The following PSMD14 variants were observed in gnomAD, a reference collection of about 807,000 sequenced individuals.
PSMD14 encodes proteasome 26S subunit, non-ATPase 14.
Under a neutral mutation model 41.2 loss-of-function variants are expected in PSMD14, and 7 were observed. That is an observed-to-expected ratio of 0.17 (90% CI 0.10 to 0.32). The LOEUF (loss-of-function observed/expected upper bound fraction) is 0.32. Among genes scored for constraint, PSMD14 ranks in the 10% least tolerant of loss-of-function variants. The probability of loss-of-function intolerance (pLI) is 1.00; values close to 1 mark genes in which losing one functional copy is unlikely to be tolerated. For synonymous variants in PSMD14, 114 were observed against 122.3 expected (o/e 0.93, Z 0.45); for missense variants, 139 against 375.6 (o/e 0.37, Z 5.21).
At position 161,381,191 on chromosome 2, in the gene PSMD14, T is replaced by C. The variant is rs1683566449; in HGVS notation, c.463-4273T>C. ...AAAAATTATTTCAGTTCGTCACTTA[T>C]GTTTACCCCATATATGATGAACTGA... On this transcript the variant is annotated intron_variant, in intron 7 of 11. Transcript: ENST00000409682. 2.0e-5 allele frequency among the ~76,000 whole-genome samples: 3 copies of C among 150,514 alleles called. 1 individual carries two copies. The South Asian group carries it at 6.2e-4, about 31-fold the overall frequency.
chr2:161,360,753 G>A (rs185930576), intron 3 of PSMD14, among the ~76,000 whole-genome samples: 2 of 151,892 alleles, frequency 1.3e-5, no homozygotes, highest in African/African-American at 4.8e-5. Flanking sequence ...AGCCAGGATG[G>A]TCTCCATCTC....
intron 3 of PSMD14, among the ~76,000 whole-genome samples, chr2:161,351,787 A>G (rs769854913): frequency 1.3e-5 from 2 of 152,170 alleles, no homozygotes; most frequent in Admixed American, 6.5e-5. Context: ...ATACAGCGCT[A>G]TCATTGAACA....
chr2:161,341,025 G>A, intron 3 of PSMD14: 3 of 1,607,422 alleles, frequency 1.9e-6, no homozygotes, highest in East Asian at 2.2e-5. Context: ...CTCCGCTGGC[G>A]CCGCCGCGGG....
At position 161,346,508 on chromosome 2, in the gene PSMD14, T is replaced by A. The variant is rs546946742; in HGVS notation, c.49-20970T>A. ...CTTATCTCCTTACTGTGGGCCATAT[T>A]TTTTTTGCTGCTTTGTATGTCTGAT... On this transcript the variant is annotated intron_variant, in intron 3 of 11. Coordinates refer to ENST00000409682, the MANE Select transcript of PSMD14 (RefSeq NM_005805.6). Among the ~76,000 whole-genome samples, 293 of 151,130 alleles carry A rather than the reference T, an allele frequency of 1.9e-3. 1 individual carries two copies. Among genetic ancestry groups the A allele is most frequent in the Non-Finnish European group, 2.9e-3 (194 of 67,828 alleles).
chr2:161,347,750 A>G (rs916811788), intron 3 of PSMD14, among the ~76,000 whole-genome samples: 7 of 152,212 alleles, frequency 4.6e-5, no homozygotes, highest in Non-Finnish European at 1.0e-4. Context: ...AAAAACACTA[A>G]AAAATAAACA....
At chr2:161,366,451 G>C (rs1683359962) in intron 3 of PSMD14, among the ~76,000 whole-genome samples, 1 of 151,348 alleles carries the variant, frequency 6.6e-6, no homozygotes, top group Admixed American at 6.6e-5. Context: ...AGACCTATAT[G>C]TATGGAATGT....
chr2:161,410,687 A>G (rs1684012088), intron 11 of PSMD14, among the ~76,000 whole-genome samples: 1 of 152,136 alleles, frequency 6.6e-6, no homozygotes, highest in Non-Finnish European at 1.5e-5. Flanking sequence ...CAAAATAGCT[A>G]CATGAAACAT....
chr2:161,383,641 T>G (rs772294482), intron 7 of PSMD14: 1 of 151,618 alleles, frequency 6.6e-6, no homozygotes, highest in East Asian at 1.9e-4. Flanking sequence ...TGATATATAA[T>G]GAAATTTTCA....
Position 161,351,849 on chromosome 2 carries a change from T to C in PSMD14, c.49-15629T>C, listed in dbSNP as rs185190886. Among the ~76,000 whole-genome samples the C allele has an allele frequency of 7.1e-4, 108 of 152,286 alleles. No individual in the cohort carries two copies. The East Asian group carries it at 0.02, about 28-fold the overall frequency. ...AAGTGACATGGCCACTCTGCTTACA[T>C]TTTATTGGCTGAAGAGGGTCACATG... On this transcript the variant is annotated intron_variant, in intron 3 of 11. Coordinates refer to ENST00000409682, the MANE Select transcript of PSMD14 (RefSeq NM_005805.6).
At chr2:161,332,238 A>G (rs1380478484) in intron 3 of PSMD14, among the ~76,000 whole-genome samples, 1 of 152,228 alleles carries the variant, frequency 6.6e-6, no homozygotes, top group Non-Finnish European at 1.5e-5. Context: ...GATAATGTGA[A>G]TCTTCACACA....
intron 7 of PSMD14, 47 bp from the exon 8 acceptor site, chr2:161,385,417 T>G: frequency 8.9e-7 from 1 of 1,124,716 alleles, no homozygotes; most frequent in East Asian, 2.4e-5. Context: ...CTTGGCATTA[T>G]CACTTGCTTT....
In PSMD14 at chr2:161,389,959, G is replaced by A. The variant is rs1454172592; in HGVS notation, c.571-1145G>A. 9.0e-5 allele frequency among the ~76,000 whole-genome samples: 11 copies of A among 122,288 alleles called. No homozygotes were observed. The East Asian group carries it at 2.8e-3, about 31-fold the overall frequency. The allele number at this position is 122,288 out of a possible 152,430, so 80.2% of individuals were successfully genotyped here. ...TGTCCAGGCTGGTCTTGAACTCTTG[G>A]GCTTAAGTGATTCTCCTGCCTCAGC... On this transcript the variant is annotated intron_variant, in intron 8 of 11. Transcript: ENST00000409682.
At chr2:161,315,230 A>G (rs1358781007) in intron 1 of PSMD14, among the ~76,000 whole-genome samples, 1 of 152,198 alleles carries the variant, frequency 6.6e-6, no homozygotes, top group Non-Finnish European at 1.5e-5. Flanking sequence ...ATGATGTTAA[A>G]CATCCTATGA....
At chr2:161,393,266 G>C (rs890822226) in intron 9 of PSMD14, among the ~76,000 whole-genome samples, 3 of 152,172 alleles carry the variant, frequency 2.0e-5, no homozygotes, top group African/African-American at 4.8e-5. Context: ...TAGCTGTATA[G>C]CATAGGTAGT....
chr2:161,335,321 ATATAT>A lies in PSMD14; in HGVS notation c.48+16455_48+16459del, dbSNP rs759635697. On this transcript the variant is annotated intron_variant, in intron 3 of 11. Transcript: ENST00000409682. ...CAGTGGAACTTTCTGTGGGTTGGAA[ATATAT>A]TATATTTAGCTGCCCAGTATGGCAG... 2.5e-3 allele frequency among the ~76,000 whole-genome samples: 380 copies of A among 152,316 alleles called. 5 individuals carry two copies. The highest frequency in any genetic ancestry group is 1.3e-3 in the East Asian group (7 of 5,190).
At chr2:161,401,497 T>G (rs1559055600) in intron 10 of PSMD14, among the ~76,000 whole-genome samples, 1 of 152,228 alleles carries the variant, frequency 6.6e-6, no homozygotes, top group East Asian at 1.9e-4. Context: ...CTGGGGTCAT[T>G]GATACCTTTA....
chr2:161,356,571 TTA>T (rs1574128077), intron 3 of PSMD14, among the ~76,000 whole-genome samples: 1 of 152,102 alleles, frequency 6.6e-6, no homozygotes, highest in African/African-American at 2.4e-5. Flanking sequence ...ACTCAATAAA[TTA>T]TATGTTTAGG....
intron 3 of PSMD14, chr2:161,340,901 T>G: frequency 6.2e-7 from 1 of 1,613,936 alleles, no homozygotes; most frequent in African/African-American, 1.3e-5. Flanking sequence ...CGGGGCTGTA[T>G]TTGAAGGAGA....
intron 3 of PSMD14, among the ~76,000 whole-genome samples, chr2:161,329,440 C>T (rs974818297): frequency 6.6e-6 from 1 of 151,918 alleles, no homozygotes; most frequent in East Asian, 1.9e-4. Context: ...TCTTTATATT[C>T]TTTGAATTAT....
Sources: gnomAD v4.1 joint callset for allele counts (sites outside exome capture counted in the v4.1 genomes callset) on GRCh38, gnomAD v4.1.1 for gene constraint, MANE v1.5 for transcripts, NCBI Gene and HGNC (gene_info 2026-07-23, HGNC 2026-07-21) for gene names.